The following ARSB variants were observed in gnomAD, a reference collection of about 807,000 sequenced individuals.
The protein encoded by ARSB is arylsulfatase B, also known as N-acetylgalactosamine-4-sulfatase.
ARSB carries 41 observed loss-of-function variants against 50.9 expected under a neutral mutation model. The ratio of observed to expected loss-of-function variants is 0.81; its 90% CI spans 0.63 to 1.04. The LOEUF is 1.04. Ranked by LOEUF, ARSB falls within the 50% of genes least tolerant of loss-of-function variation. The pLI is 0.00. For missense variants in ARSB, 672 were observed against 693.3 expected (o/e 0.97, Z 0.35); for synonymous variants, 269 against 284.8 (o/e 0.94, Z 0.56).
chr5:78,865,787 A>G (rs1282224274), intron 5 of ARSB, among the ~76,000 whole-genome samples: 1 of 152,172 alleles, frequency 6.6e-6, no homozygotes, highest in Non-Finnish European at 1.5e-5. Context: ...TCTCAAATTC[A>G]AAGTTCCACA....
chr5:78,796,280 A>AC (rs1368038092), intron 6 of ARSB, among the ~76,000 whole-genome samples: 3 of 152,260 alleles, frequency 2.0e-5, no homozygotes, highest in African/African-American at 7.2e-5. Flanking sequence ...AAATCTTCAG[A>AC]ATGAATAAGC....
chr5:78,975,874 C>T (rs752202919), intron 1 of ARSB, among the ~76,000 whole-genome samples: 1 of 152,058 alleles, frequency 6.6e-6, no homozygotes, highest in Non-Finnish European at 1.5e-5. Context: ...GACCTCAGAA[C>T]CACTTATCAC....
intron 6 of ARSB, among the ~76,000 whole-genome samples, chr5:78,795,789 C>T (rs1743158453): frequency 1.3e-5 from 2 of 152,230 alleles, no homozygotes; most frequent in Non-Finnish European, 2.9e-5. Context: ...ATGCACTCCA[C>T]ATGACGTATT....
At chr5:78,834,644 T>TATATATGC (rs1300659354) in intron 6 of ARSB, among the ~76,000 whole-genome samples, 1 of 138,598 alleles carries the variant, frequency 7.2e-6, no homozygotes, top group Non-Finnish European at 1.6e-5. Context: ...TATATATATA[T>TATATATGC]ATGCCACATT....
chr5:78,902,967 T>C (rs929334318), intron 4 of ARSB, among the ~76,000 whole-genome samples: 2 of 152,164 alleles, frequency 1.3e-5, no homozygotes, highest in Non-Finnish European at 2.9e-5. Flanking sequence ...AAAAAGAAGA[T>C]AGATCAAAGA....
intron 1 of ARSB, among the ~76,000 whole-genome samples, 178 bp downstream of exon 1, chr5:78,984,759 C>T (rs1422117394): frequency 1.3e-5 from 2 of 152,004 alleles, no homozygotes; most frequent in Non-Finnish European, 2.9e-5. Flanking sequence ...GCAGAGGCCG[C>T]GGCGGGCTGC....
intron 4 of ARSB, among the ~76,000 whole-genome samples, chr5:78,937,523 T>C (rs1750688031): frequency 6.7e-6 from 1 of 149,892 alleles, no homozygotes; most frequent in Non-Finnish European, 1.5e-5. Context: ...TCTCACAGAA[T>C]TGTGAAAATC....
intron 5 of ARSB, among the ~76,000 whole-genome samples, chr5:78,870,998 A>C (rs1023601040): frequency 6.6e-6 from 1 of 151,654 alleles, no homozygotes; most frequent in Non-Finnish European, 1.5e-5. Context: ...TACAAAAATC[A>C]CAAGCATTCC....
intron 4 of ARSB, among the ~76,000 whole-genome samples, chr5:78,954,621 C>G (rs922310419): frequency 1.3e-5 from 2 of 152,152 alleles, no homozygotes; most frequent in Non-Finnish European, 2.9e-5. Context: ...TCTCCTGTCT[C>G]AGCCTCCCGA....
intron 4 of ARSB, among the ~76,000 whole-genome samples, chr5:78,942,868 T>C (rs1330453032): frequency 6.6e-6 from 1 of 152,210 alleles, no homozygotes; most frequent in Non-Finnish European, 1.5e-5. Flanking sequence ...CTGTCTAATG[T>C]TAACAGTGGG....
chr5:78,795,412 G>A (rs942201370), intron 6 of ARSB, among the ~76,000 whole-genome samples: 4 of 152,140 alleles, frequency 2.6e-5, no homozygotes, highest in Non-Finnish European at 5.9e-5. Flanking sequence ...GGGGAGGAGG[G>A]GGCTGGCTTG....
intron 1 of ARSB, among the ~76,000 whole-genome samples, chr5:78,981,956 G>A (rs2112570539): frequency 4.3e-5 from 1 of 23,474 alleles, no homozygotes; most frequent in Non-Finnish European, 1.0e-4. Context: ...TCGCTCTGTC[G>A]CCCAGGCCGG....
At chr5:78,932,019 A>T (rs934943081) in intron 4 of ARSB, among the ~76,000 whole-genome samples, 3 of 151,868 alleles carry the variant, frequency 2.0e-5, no homozygotes, top group Non-Finnish European at 4.4e-5. Context: ...TGGCTCTTAA[A>T]CCTCTTTCCT....
At chr5:78,946,115 C>G (rs763317622) in intron 4 of ARSB, among the ~76,000 whole-genome samples, 2 of 152,042 alleles carry the variant, frequency 1.3e-5, no homozygotes, top group Non-Finnish European at 2.9e-5. Context: ...ATAATGAAAC[C>G]GAGGCTAGAC....
chr5:78,865,195 C>G (rs1427217077), intron 5 of ARSB, among the ~76,000 whole-genome samples: 2 of 152,224 alleles, frequency 1.3e-5, no homozygotes, highest in African/African-American at 2.4e-5. Context: ...ACCCCTGCAG[C>G]AAACTCTTGC....
At position 78,828,551 on chromosome 5, in the gene ARSB, A is replaced by G. The variant is rs565877587; in HGVS notation, c.1213+10805T>C. Reference sequence around the variant, plus strand: ...CTCCTTCACTCTCATAGCAACTATCAGACTCCATGGAAATGATCTGACAAT... The same window carrying G: ...CTCCTTCACTCTCATAGCAACTATCGGACTCCATGGAAATGATCTGACAAT... On this transcript the variant is annotated intron_variant, in intron 6 of 7. Coordinates refer to ENST00000264914, the MANE Select transcript of ARSB (RefSeq NM_000046.5). Among the ~76,000 whole-genome samples the G allele has an allele frequency of 2.9e-4, 44 of 152,328 alleles. 1 individual carries two copies. The highest frequency in any genetic ancestry group is 1.1e-3 in the African/African-American group (44 of 41,566).
chr5:78,931,688 C>T (rs939243495), intron 4 of ARSB, among the ~76,000 whole-genome samples: 7 of 137,368 alleles, frequency 5.1e-5, no homozygotes, highest in South Asian at 4.7e-4. Context: ...CATGACTCTA[C>T]AAAATTTCAT....
chr5:78,979,701 C>T (rs192989540), intron 1 of ARSB, among the ~76,000 whole-genome samples: 3 of 152,288 alleles, frequency 2.0e-5, no homozygotes, highest in Non-Finnish European at 2.9e-5. Context: ...AAACCATCTG[C>T]GAGCCTGAAT....
rs989243569 is a variant in ARSB, at chr5:78,931,529, A to G, written c.898+23766T>C. ...GTCTCTGGCCATTTCACTGCTCATTAATATTTCTACTGGAAGGGGAGGAGA... is the reference window on the plus strand; with the variant it reads ...GTCTCTGGCCATTTCACTGCTCATTGATATTTCTACTGGAAGGGGAGGAGA... On this transcript the variant is annotated intron_variant, in intron 4 of 7. Coordinates refer to ENST00000264914, the MANE Select transcript of ARSB (RefSeq NM_000046.5). Among the ~76,000 whole-genome samples the G allele has an allele frequency of 2.6e-5, 4 of 152,038 alleles. No individual in the cohort carries two copies. In the East Asian group the frequency reaches 7.7e-4, roughly 29 times the overall value.
Sources: allele counts gnomAD v4.1 joint callset (sites outside exome capture counted in the v4.1 genomes callset), GRCh38; gene constraint gnomAD v4.1.1; transcripts MANE v1.5; gene names NCBI Gene and HGNC (gene_info 2026-07-23, HGNC 2026-07-21).